The following RPS6KA2 variants were observed in gnomAD, a reference collection of about 807,000 sequenced individuals.
The protein encoded by RPS6KA2 is ribosomal protein S6 kinase A2, also known as ribosomal protein S6 kinase alpha-2.
RPS6KA2 carries 42 observed loss-of-function variants against 91.8 expected under a neutral mutation model. The observed-to-expected ratio is 0.46, with a 90% confidence interval of 0.36 to 0.59. The LOEUF is 0.59. Among genes scored for constraint, RPS6KA2 ranks in the 20% least tolerant of loss-of-function variants. The probability of loss-of-function intolerance (pLI) is 0.00; values close to 1 mark genes in which losing one functional copy is unlikely to be tolerated. For missense variants in RPS6KA2, 798 were observed against 978.5 expected, an observed-to-expected ratio of 0.82 and a Z score of 2.46; for synonymous variants, 414 against 393.6, an observed-to-expected ratio of 1.05 and a Z score of -0.61.
In RPS6KA2 at chr6:166,496,356, A is replaced by G. The variant is rs1198643132; in HGVS notation, c.747+2152T>C. Reference sequence around the variant, plus strand: ...AGAATGAGACTCCATCTCAAAAAACAATAAAAAATTAAAAAATAAAAAGAA... The same window carrying G: ...AGAATGAGACTCCATCTCAAAAAACGATAAAAAATTAAAAAATAAAAAGAA... On this transcript the variant is annotated intron_variant, in intron 8 of 20. Coordinates refer to ENST00000265678, the MANE Select transcript of RPS6KA2 (RefSeq NM_021135.6). Among the ~76,000 whole-genome samples, 6 of 132,068 alleles carry G rather than the reference A, an allele frequency of 4.5e-5. No homozygotes were observed. In the Middle Eastern group the frequency reaches 0.015, roughly 339 times the overall value. 86.6% of individuals were successfully genotyped at this position (132,068 alleles called of 152,430 possible). A position where few individuals can be genotyped will look rare whatever the true frequency, so the allele number is the denominator to read the frequency against.
intron 2 of RPS6KA2, among the ~76,000 whole-genome samples, chr6:166,692,971 G>C (rs1789253190): frequency 6.6e-6 from 1 of 152,176 alleles, no homozygotes; most frequent in Admixed American, 6.5e-5. Context: ...AAACATTCAG[G>C]CTAATTGTCA....
At chr6:166,768,120 T>G (rs1778370272) in intron 2 of RPS6KA2, among the ~76,000 whole-genome samples, 1 of 152,114 alleles carries the variant, frequency 6.6e-6, no homozygotes, top group Non-Finnish European at 1.5e-5. Context: ...GCATGTGTGT[T>G]CACTTCAAAG....
At chr6:166,597,286 C>T (rs112809163) in intron 1 of RPS6KA2, among the ~76,000 whole-genome samples, 4 of 152,292 alleles carry the variant, frequency 2.6e-5, no homozygotes, top group South Asian at 2.1e-4. Context: ...ACACAGCCCC[C>T]GAGGACGAAT....
At position 166,508,841 on chromosome 6, in the gene RPS6KA2, A is replaced by G. The variant is rs977649690; in HGVS notation, c.380-559T>C. On this transcript the variant is annotated intron_variant, in intron 4 of 20. Transcript: ENST00000265678. The surrounding 1 kb of genome is among the most constrained non-coding windows in gnomAD (Gnocchi z 4.3). ...GTCCTAGGTCTGGTCACTGTGAGCTATAACTGCAGACTTTCTGTTTCAGGC... is the reference window on the plus strand; with the variant it reads ...GTCCTAGGTCTGGTCACTGTGAGCTGTAACTGCAGACTTTCTGTTTCAGGC... 6.6e-6 allele frequency among the ~76,000 whole-genome samples: 1 copy of G among 152,202 alleles called. No homozygotes were observed. The highest frequency in any genetic ancestry group is 1.5e-5 in the Non-Finnish European group (1 of 68,038).
rs1401749373 is a variant in RPS6KA2, at chr6:166,612,057, C to T, written c.99+14864G>A. On this transcript the variant is annotated intron_variant, in intron 1 of 20. Coordinates refer to ENST00000265678, the MANE Select transcript of RPS6KA2 (RefSeq NM_021135.6). The surrounding 1 kb of genome is among the most constrained non-coding windows in gnomAD (Gnocchi z 4.3). ...GAAGAAATACTGTGAATGAATAAGGCATCCAACCCATTCTCCAACACCCCT... is the reference window on the plus strand; with the variant it reads ...GAAGAAATACTGTGAATGAATAAGGTATCCAACCCATTCTCCAACACCCCT... Among the ~76,000 whole-genome samples, 5 of 152,222 alleles carry T rather than the reference C, an allele frequency of 3.3e-5. No individual in the cohort carries two copies. The highest frequency in any genetic ancestry group is 9.6e-5 in the African/African-American group (4 of 41,458).
chr6:166,514,428 A>T (rs1782571245), intron 3 of RPS6KA2, among the ~76,000 whole-genome samples: 1 of 152,096 alleles, frequency 6.6e-6, no homozygotes, highest in Non-Finnish European at 1.5e-5. Flanking sequence ...TTCACAGAGG[A>T]GGGGCTAAGC....
At chr6:166,757,521 C>T (rs1778049502) in intron 2 of RPS6KA2, 1 of 456,304 alleles carries the variant, frequency 2.2e-6, no homozygotes, top group South Asian at 1.5e-5. Context: ...GCGAGCCCTC[C>T]CTTACCTTTC....
chr6:166,425,563 G>A (rs1211318661), intron 16 of RPS6KA2, among the ~76,000 whole-genome samples: 4 of 152,078 alleles, frequency 2.6e-5, no homozygotes, highest in Admixed American at 1.3e-4. Context: ...CGCATCTCAC[G>A]TGCAGAGACA....
At chr6:166,687,599 T>C (rs1038860327) in intron 2 of RPS6KA2, among the ~76,000 whole-genome samples, 4 of 152,194 alleles carry the variant, frequency 2.6e-5, no homozygotes, top group Non-Finnish European at 4.4e-5. Flanking sequence ...CTATTTATTT[T>C]TCTATTAAGA....
intron 2 of RPS6KA2, among the ~76,000 whole-genome samples, chr6:166,658,169 A>G (rs1448523038): frequency 6.6e-6 from 1 of 152,156 alleles, no homozygotes; most frequent in Non-Finnish European, 1.5e-5. Flanking sequence ...GGCATGAGCC[A>G]CTGTGGCCAG....
At chr6:166,570,023 T>C (rs555835313) in intron 1 of RPS6KA2, among the ~76,000 whole-genome samples, 12 of 152,354 alleles carry the variant, frequency 7.9e-5, no homozygotes, top group Admixed American at 5.2e-4. Flanking sequence ...ACTAAAGTAC[T>C]GTCTAGACAA....
At chr6:166,856,335 A>C (rs7774673) in intron 2 of RPS6KA2, among the ~76,000 whole-genome samples, 1 of 152,316 alleles carries the variant, frequency 6.6e-6, no homozygotes, top group African/African-American at 2.4e-5. Context: ...CCACCACGTG[A>C]GGACAAGGGT....
intron 3 of RPS6KA2, among the ~76,000 whole-genome samples, chr6:166,521,992 A>G (rs1782873133): frequency 6.6e-6 from 1 of 152,206 alleles, no homozygotes; most frequent in African/African-American, 2.4e-5. Flanking sequence ...CCTTCCATCA[A>G]GTGAGGACAC....
intron 1 of RPS6KA2, among the ~76,000 whole-genome samples, chr6:166,623,533 C>G (rs1562348794): frequency 1.3e-5 from 2 of 152,216 alleles, no homozygotes; most frequent in Admixed American, 6.5e-5. Flanking sequence ...AGGCCAGACA[C>G]TCAGAGGGTA....
intron 2 of RPS6KA2, among the ~76,000 whole-genome samples, chr6:166,747,564 C>A (rs932360828): frequency 6.6e-6 from 1 of 152,214 alleles, no homozygotes; most frequent in African/African-American, 2.4e-5. Flanking sequence ...GGCCGCTCCT[C>A]CTCCTCCTCC....
At chr6:166,857,346 C>T (rs4709135) in intron 2 of RPS6KA2, among the ~76,000 whole-genome samples, 5,909 of 152,264 alleles carry the variant, frequency 0.039, 321 homozygotes, top group East Asian at 0.27. Context: ...CAATGGCCCA[C>T]GGCTCCGGCT....
chr6:166,436,884 C>T (rs539705014), intron 14 of RPS6KA2, among the ~76,000 whole-genome samples: 14 of 152,248 alleles, frequency 9.2e-5, no homozygotes, highest in South Asian at 4.1e-4. Context: ...CCTGGGCTCC[C>T]GCCTTCCCCT....
rs73788297 is a variant in RPS6KA2 at position 166,420,853 on chromosome 6, A to T, written c.1744-895T>A. Among the ~76,000 whole-genome samples the T allele has an allele frequency of 8.0e-3, 1,218 of 152,340 alleles. 14 individuals are homozygous for T. Among genetic ancestry groups the T allele is most frequent in the African/African-American group, 0.028 (1,174 of 41,582 alleles). Reference sequence around the variant, plus strand: ...ATCCTAGGATTACATACTTCAGTAGAGGGCAATCCTCTGATATAGTTACAG... The same window carrying T: ...ATCCTAGGATTACATACTTCAGTAGTGGGCAATCCTCTGATATAGTTACAG... On this transcript the variant is annotated intron_variant, in intron 17 of 20. Coordinates refer to ENST00000265678, the MANE Select transcript of RPS6KA2 (RefSeq NM_021135.6).
intron 1 of RPS6KA2, among the ~76,000 whole-genome samples, chr6:166,605,621 A>C (rs1785925807): frequency 6.6e-6 from 1 of 152,218 alleles, no homozygotes; most frequent in African/African-American, 2.4e-5. Context: ...TAGAACAATA[A>C]ATTAACATGT....
Sources: allele counts gnomAD v4.1 joint callset (sites outside exome capture counted in the v4.1 genomes callset), GRCh38; gene constraint gnomAD v4.1.1; non-coding constraint Gnocchi (gnomAD v3.1); transcripts MANE v1.5; gene names NCBI Gene and HGNC (gene_info 2026-07-23, HGNC 2026-07-21).